Variants in SAMD3 observed in about 807,000 individuals in gnomAD.
SAMD3 encodes the protein sterile alpha motif domain-containing protein 3.
SAMD3 carries 63 observed loss-of-function variants against 58.5 expected under a neutral mutation model. The observed-to-expected ratio is 1.08, with a 90% confidence interval of 0.88 to 1.33. The LOEUF is 1.33. SAMD3 is among the 40% of genes most tolerant of loss of function. The pLI is 0.00. For missense variants in SAMD3, 604 were observed against 608.4 expected (o/e 0.99, Z 0.08); for synonymous variants, 220 against 210.3 (o/e 1.05, Z -0.40).
At chr6:130,245,796 C>G (rs1479258806) in intron 2 of SAMD3, among the ~76,000 whole-genome samples, 1 of 152,140 alleles carries the variant, frequency 6.6e-6, no homozygotes, top group East Asian at 1.9e-4. Flanking sequence ...AAAATTTATT[C>G]TAGCCTCTTC....
chr6:130,209,773 T>C (rs770323849), intron 4 of SAMD3, among the ~76,000 whole-genome samples, 165 bp from the exon 5 acceptor site: 3 of 152,240 alleles, frequency 2.0e-5, no homozygotes, highest in Non-Finnish European at 4.4e-5. Flanking sequence ...AAGGCCCCTC[T>C]GGCGTCATCT....
At chr6:130,219,891 T>G (rs1469320763) in intron 1 of SAMD3, among the ~76,000 whole-genome samples, 1 of 152,256 alleles carries the variant, frequency 6.6e-6, no homozygotes, top group Non-Finnish European at 1.5e-5. Context: ...GTTCTTTTTA[T>G]CTAGCAAGAC....
intron 2 of SAMD3, among the ~76,000 whole-genome samples, chr6:130,250,190 G>A (rs73607938): frequency 0.013 from 2,031 of 152,278 alleles, 41 homozygotes; most frequent in African/African-American, 0.046. Context: ...CATAAGCACA[G>A]CACATTGAAT....
At chr6:130,313,279 A>G (rs768380316) in intron 1 of SAMD3, among the ~76,000 whole-genome samples, 10 of 152,110 alleles carry the variant, frequency 6.6e-5, no homozygotes, top group Non-Finnish European at 1.5e-5. Flanking sequence ...TGTGCTGGGT[A>G]ATTTGTTGTG....
intron 8 of SAMD3, among the ~76,000 whole-genome samples, chr6:130,156,638 G>A (rs992960075): frequency 2.6e-5 from 4 of 151,964 alleles, no homozygotes; most frequent in African/African-American, 4.8e-5. Flanking sequence ...AGAAAGATTC[G>A]GGGCAGAAAA....
At chr6:130,277,929 AC>A (rs1392840959) in intron 2 of SAMD3, among the ~76,000 whole-genome samples, 1 of 152,164 alleles carries the variant, frequency 6.6e-6, no homozygotes, top group Non-Finnish European at 1.5e-5. Flanking sequence ...CTTTCCCAAA[AC>A]AAATCTCCTT....
At chr6:130,346,512 T>C (rs6900817) in intron 1 of SAMD3, among the ~76,000 whole-genome samples, 3,640 of 152,108 alleles carry the variant, frequency 0.024, 142 homozygotes, top group African/African-American at 0.082. Context: ...AAGGTGGCAG[T>C]GAGGATGGGG....
At chr6:130,323,045 A>G (rs546937171) in intron 1 of SAMD3, among the ~76,000 whole-genome samples, 1 of 152,336 alleles carries the variant, frequency 6.6e-6, no homozygotes, top group African/African-American at 2.4e-5. Flanking sequence ...ATAAAATAAA[A>G]CCGTTTTACA....
intron 1 of SAMD3, among the ~76,000 whole-genome samples, chr6:130,342,553 A>C (rs1292183600): frequency 6.6e-6 from 1 of 152,176 alleles, no homozygotes; most frequent in Admixed American, 6.5e-5. Flanking sequence ...TTATTTTTTA[A>C]GGAATTTCTC....
At chr6:130,295,019 G>A (rs1464905270) in intron 2 of SAMD3, among the ~76,000 whole-genome samples, 1 of 147,184 alleles carries the variant, frequency 6.8e-6, no homozygotes, top group African/African-American at 2.6e-5. Flanking sequence ...TGCCTTCAGG[G>A]TTCAAGCAAT....
At position 130,154,713 on chromosome 6, in the gene SAMD3, AAAAAAAT is replaced by A. The variant is rs1175640515; in HGVS notation, c.1023+105_1023+111del. 161 of 115,496 alleles carry A rather than the reference AAAAAAAT, an allele frequency of 1.4e-3. 1 individual carries two copies. Among genetic ancestry groups the A allele is most frequent in the South Asian group, 2.2e-3 (7 of 3,112 alleles). The allele number at this position is 115,496 out of a possible 1,614,324, so 7.2% of individuals were successfully genotyped here. A position where few individuals can be genotyped will look rare whatever the true frequency, so the allele number is the denominator to read the frequency against. ...TCTGTCTGAAAAAAAAAAAAAAAAA[AAAAAAAT>A]ATATATATATATATATATATATGTA... On this transcript the variant is annotated intron_variant, in intron 9 of 11. Coordinates refer to ENST00000439090, the MANE Select transcript of SAMD3 (RefSeq NM_001017373.4).
intron 1 of SAMD3, among the ~76,000 whole-genome samples, chr6:130,337,359 C>T (rs559324153): frequency 5.9e-5 from 9 of 152,306 alleles, no homozygotes; most frequent in Non-Finnish European, 1.3e-4. Context: ...CTCAGCCATG[C>T]AGAACTGTCA....
At chr6:130,207,821 G>A (rs1795212330) in intron 5 of SAMD3, among the ~76,000 whole-genome samples, 1 of 152,216 alleles carries the variant, frequency 6.6e-6, no homozygotes, top group Non-Finnish European at 1.5e-5. Flanking sequence ...CTGAGGCTGT[G>A]GGGCTAGAGG....
intron 5 of SAMD3, among the ~76,000 whole-genome samples, chr6:130,187,536 ATACCAGTCAAAATGAGTAT>A (rs1793118974): frequency 6.6e-6 from 1 of 152,188 alleles, no homozygotes; most frequent in South Asian, 2.1e-4. Context: ...ATGCCACCTA[ATACCAGTCAAAATGAGTAT>A]TACACACGAA....
chr6:130,163,004 C>G lies in SAMD3; in HGVS notation c.823-7979G>C, dbSNP rs184362366. On this transcript the variant is annotated intron_variant, in intron 8 of 11. Coordinates refer to ENST00000439090, the MANE Select transcript of SAMD3 (RefSeq NM_001017373.4). ...ATATTGCCCAGCTGGATTCTAACTC[C>G]TGGGCTCAAGCAGTCCTCCTGCATT... 1.9e-3 allele frequency among the ~76,000 whole-genome samples: 290 copies of G among 152,250 alleles called. 2 individuals are homozygous for G. Among genetic ancestry groups the G allele is most frequent in the Non-Finnish European group, 3.2e-3 (220 of 68,020 alleles).
chr6:130,165,580 G>A (rs758865877), intron 8 of SAMD3, among the ~76,000 whole-genome samples: 3 of 152,036 alleles, frequency 2.0e-5, no homozygotes, highest in Admixed American at 6.6e-5. Context: ...GAAAAGATCA[G>A]CCATAAATGT....
At chr6:130,288,977 C>T (rs182723190) in intron 2 of SAMD3, among the ~76,000 whole-genome samples, 1 of 152,286 alleles carries the variant, frequency 6.6e-6, no homozygotes, top group Non-Finnish European at 1.5e-5. Flanking sequence ...TTCTATGCGC[C>T]CTTCTATAAT....
chr6:130,324,881 G>A (rs1017676564), intron 1 of SAMD3, among the ~76,000 whole-genome samples: 4 of 151,616 alleles, frequency 2.6e-5, no homozygotes, highest in Non-Finnish European at 5.9e-5. Context: ...ATTCTTTCCC[G>A]GTGCCTCACA....
In SAMD3 at chr6:130,154,900, T is replaced by C. The variant is rs142230077; in HGVS notation, c.948A>G (p.Arg316=). The part of the protein sequence containing the change: ...DKRMSQTLEI[R]RKMIGSRTPL... ...GTGTTCGGCTGCCAATCATCTTTCT[T>C]CTTATTTCCAAAGTTTGGCTCATTC... The change falls in exon 9 of 12, where the codon AGA becomes AGG. Residue 316 remains arginine, a synonymous_variant. Coordinates refer to ENST00000439090, the MANE Select transcript of SAMD3 (RefSeq NM_001017373.4). 6.2e-7 allele frequency: 1 copy of C among 1,613,582 alleles called. No homozygotes were observed. The highest frequency in any genetic ancestry group is 2.2e-5 in the East Asian group (1 of 44,786).
Sources: gnomAD v4.1 joint callset for allele counts (sites outside exome capture counted in the v4.1 genomes callset) on GRCh38, gnomAD v4.1.1 for gene constraint, MANE v1.5 for transcripts, NCBI Gene and HGNC (gene_info 2026-07-23, HGNC 2026-07-21) for gene names.